NFASC: variants seen among roughly 807,000 people sequenced by gnomAD.
NFASC encodes the protein neurofascin.
A neutral mutation model predicts 147.5 loss-of-function variants in NFASC; 43 were observed. That is an observed-to-expected ratio of 0.29 (90% CI 0.23 to 0.38). The LOEUF is 0.38. NFASC is among the 10% of genes least tolerant of loss of function. The probability of loss-of-function intolerance (pLI) is 1.00; values close to 1 mark genes in which losing one functional copy is unlikely to be tolerated. For synonymous variants in NFASC, 622 were observed against 665.5 expected, an observed-to-expected ratio of 0.93 and a Z score of 1.01; for missense variants, 1,320 against 1,689.0, an observed-to-expected ratio of 0.78 and a Z score of 3.83.
intron 1 of NFASC, among the ~76,000 whole-genome samples, chr1:204,896,032 A>G (rs991775882): frequency 1.3e-5 from 2 of 152,224 alleles, no homozygotes; most frequent in African/African-American, 2.4e-5. Flanking sequence ...TATTTTGTTT[A>G]GGAGCTTCTG....
At position 204,973,185 on chromosome 1, in the gene NFASC, G is replaced by C. The variant is rs541937459; in HGVS notation, c.1136-91G>C. The C allele has an allele frequency of 3.5e-6, 5 of 1,430,430 alleles. No homozygotes were observed. The East Asian group carries it at 9.1e-5, about 26-fold the overall frequency. The allele number at this position is 1,430,430 out of a possible 1,614,324, so 88.6% of individuals were successfully genotyped here. On this transcript the variant is annotated intron_variant, in intron 11 of 29. Coordinates refer to ENST00000339876, the MANE Select transcript of NFASC (RefSeq NM_001005388.3). ...CATCTGGTGCTCCCCACAGCACCCC[G>C]CTTGTTCCTGGGAGCCCTGGCCAGA...
chr1:204,948,056 C>T (rs181672657), intron 3 of NFASC, among the ~76,000 whole-genome samples: 3 of 152,346 alleles, frequency 2.0e-5, no homozygotes, highest in Admixed American at 6.5e-5. Context: ...CACGCACTCA[C>T]GTGCTCCATC....
chr1:204,974,324 G>T (rs1354491312), intron 13 of NFASC, 34 bp downstream of exon 13: 1 of 1,511,926 alleles, frequency 6.6e-7, no homozygotes, highest in Admixed American at 1.7e-5. Context: ...TCCACAGCAG[G>T]GGTCACCTGT....
chr1:204,965,402 T>C (rs16854831), intron 8 of NFASC, among the ~76,000 whole-genome samples: 2,317 of 152,352 alleles, frequency 0.015, 27 homozygotes, highest in African/African-American at 0.035. Flanking sequence ...GATTTTCATA[T>C]GAGTTCCTCC....
intron 1 of NFASC, among the ~76,000 whole-genome samples, chr1:204,897,924 G>C: frequency 6.6e-6 from 1 of 152,142 alleles, no homozygotes; most frequent in East Asian, 1.9e-4. Context: ...TTTTCAAAGA[G>C]ACAGGGTTTC....
At chr1:204,984,266 C>T in intron 21 of NFASC, 1 of 654,170 alleles carries the variant, frequency 1.5e-6, no homozygotes, top group Non-Finnish European at 2.7e-6. Flanking sequence ...CCAGGGTTGA[C>T]TCAAGAAGAT....
chr1:204,976,884 A>G, intron 16 of NFASC, 89 bp downstream of exon 16: 1 of 1,531,096 alleles, frequency 6.5e-7, no homozygotes, highest in Admixed American at 2.0e-5. Flanking sequence ...TTCCGAGGGC[A>G]GTGCCTGCAG....
chr1:204,994,649 C>T (rs2095808443), intron 24 of NFASC, among the ~76,000 whole-genome samples: 1 of 152,120 alleles, frequency 6.6e-6, no homozygotes, highest in Non-Finnish European at 1.5e-5. Context: ...GGAGTGTTTG[C>T]TTTTTTGTTT....
At position 204,834,174 on chromosome 1, in the gene NFASC, C is replaced by A. The variant is rs76585938; in HGVS notation, c.-200+5392C>A. On this transcript the variant is annotated intron_variant, in intron 1 of 29. Coordinates refer to ENST00000339876, the MANE Select transcript of NFASC (RefSeq NM_001005388.3). ...CTGCCTATTCTCCCCCACCCTCCCC[C>A]CACCTTCTCCCTGGTCCATGCCGCA... Among the ~76,000 whole-genome samples the A allele has an allele frequency of 5.3e-3, 805 of 152,150 alleles. 13 individuals are homozygous for A. The highest frequency in any genetic ancestry group is 0.018 in the African/African-American group (767 of 41,502).
chr1:204,981,159 C>T (rs1202580961), intron 20 of NFASC, among the ~76,000 whole-genome samples: 1 of 152,262 alleles, frequency 6.6e-6, no homozygotes, highest in African/African-American at 2.4e-5. Flanking sequence ...AAGGCTGCTC[C>T]CACAGCAGCC....
chr1:204,852,200 A>T (rs1429104616), intron 1 of NFASC, among the ~76,000 whole-genome samples: 1 of 152,102 alleles, frequency 6.6e-6, no homozygotes, highest in Non-Finnish European at 1.5e-5. Context: ...GCTGCCCCCA[A>T]ATAGAAAGTG....
At chr1:204,927,311 T>C (rs1376284034) in intron 2 of NFASC, among the ~76,000 whole-genome samples, 1 of 152,222 alleles carries the variant, frequency 6.6e-6, no homozygotes, top group African/African-American at 2.4e-5. Flanking sequence ...ACATTTCATA[T>C]AAATGGAATC....
rs76920017 is a variant in NFASC, at chr1:204,922,109, G to T, written c.-91+1369G>T. On this transcript the variant is annotated intron_variant, in intron 2 of 29. Coordinates refer to ENST00000339876, the MANE Select transcript of NFASC (RefSeq NM_001005388.3). Reference sequence around the variant, plus strand: ...AGCGGTGTACCCATTTATTTAAACGGGTACGAAGTATATATGAAACTGGAT... The same window carrying T: ...AGCGGTGTACCCATTTATTTAAACGTGTACGAAGTATATATGAAACTGGAT... Among the ~76,000 whole-genome samples, 1,068 of 152,216 alleles carry T rather than the reference G, an allele frequency of 7.0e-3. 10 individuals are homozygous for T. The highest frequency in any genetic ancestry group is 0.024 in the African/African-American group (1,013 of 41,518).
intron 25 of NFASC, chr1:204,999,138 T>A (rs939620066): frequency 6.6e-6 from 1 of 152,206 alleles, no homozygotes; most frequent in Non-Finnish European, 1.5e-5. Context: ...TCCAGGGAGA[T>A]TCCTTAATTC....
At chr1:204,997,589 C>T (rs1311149781) in intron 25 of NFASC, 183 bp downstream of exon 25, 1 of 696,202 alleles carries the variant, frequency 1.4e-6, no homozygotes, top group Non-Finnish European at 2.5e-6. Context: ...GCCTGGAGGC[C>T]CAGATCTCCC....
At chr1:204,866,772 G>A (rs2077141018) in intron 1 of NFASC, among the ~76,000 whole-genome samples, 1 of 152,206 alleles carries the variant, frequency 6.6e-6, no homozygotes, top group African/African-American at 2.4e-5. Context: ...TCTGGTAGAG[G>A]AGGAAATATC....
intron 2 of NFASC, among the ~76,000 whole-genome samples, chr1:204,922,696 C>G (rs549332111): frequency 6.6e-6 from 1 of 152,314 alleles, no homozygotes; most frequent in South Asian, 2.1e-4. Flanking sequence ...ACTGCCTCCT[C>G]CAGTCTGAGG....
At chr1:204,897,367 G>A (rs913704360) in intron 1 of NFASC, among the ~76,000 whole-genome samples, 1 of 152,142 alleles carries the variant, frequency 6.6e-6, no homozygotes, top group African/African-American at 2.4e-5. Flanking sequence ...CAGAGCAGAG[G>A]AGGAAACCCC....
intron 25 of NFASC, chr1:205,000,817 A>G: frequency 3.6e-6 from 1 of 276,072 alleles, no homozygotes; most frequent in African/African-American, 2.9e-5. Flanking sequence ...ACAGAACAAT[A>G]CTCCATCTCA....
Sources: gnomAD v4.1 joint callset for allele counts (sites outside exome capture counted in the v4.1 genomes callset) on GRCh38, gnomAD v4.1.1 for gene constraint, MANE v1.5 for transcripts, NCBI Gene and HGNC (gene_info 2026-07-23, HGNC 2026-07-21) for gene names.